The following L3MBTL4 variants were observed in gnomAD, a reference collection of about 807,000 sequenced individuals.
The protein encoded by L3MBTL4 is L3MBTL histone methyl-lysine binding protein 4.
Under a neutral mutation model 84.5 loss-of-function variants are expected in L3MBTL4, and 70 were observed. That is an observed-to-expected ratio of 0.83 (90% CI 0.68 to 1.01). The LOEUF is 1.01. Ranked by LOEUF, L3MBTL4 falls within the 50% of genes least tolerant of loss-of-function variation. The probability of loss-of-function intolerance (pLI) is 0.00; values close to 1 mark genes in which losing one functional copy is unlikely to be tolerated. For synonymous variants in L3MBTL4, 274 were observed against 259.8 expected (o/e 1.05, Z -0.52); for missense variants, 715 against 754.8 (o/e 0.95, Z 0.62).
chr18:6,360,614 A>G (rs1389926052), intron 1 of L3MBTL4, among the ~76,000 whole-genome samples: 1 of 152,194 alleles, frequency 6.6e-6, no homozygotes, highest in Non-Finnish European at 1.5e-5. Flanking sequence ...ATGGTGATCA[A>G]ATCATAATCC....
At chr18:5,991,757 A>G (rs1282006394) in intron 16 of L3MBTL4, among the ~76,000 whole-genome samples, 1 of 152,064 alleles carries the variant, frequency 6.6e-6, no homozygotes, top group African/African-American at 2.4e-5. Flanking sequence ...TGTTTGGGAG[A>G]TACTTCTGTT....
intron 5 of L3MBTL4, among the ~76,000 whole-genome samples, chr18:6,246,719 C>A (rs2047679308): frequency 6.6e-6 from 1 of 152,168 alleles, no homozygotes; most frequent in Admixed American, 6.5e-5. Context: ...GCCTGGCCAA[C>A]ATGGCGAAAC....
chr18:6,318,809 C>T (rs1033622394), intron 1 of L3MBTL4, among the ~76,000 whole-genome samples: 28 of 152,032 alleles, frequency 1.8e-4, no homozygotes, highest in African/African-American at 2.9e-4. Flanking sequence ...AACACTCTAC[C>T]GAAGAACTGC....
chr18:6,221,315 G>A (rs1164843004), intron 10 of L3MBTL4, among the ~76,000 whole-genome samples: 1 of 149,656 alleles, frequency 6.7e-6, no homozygotes, highest in Non-Finnish European at 1.5e-5. Flanking sequence ...ATGACAAGCA[G>A]GTTTTAAGTA....
At chr18:6,006,225 C>A (rs971548294) in intron 16 of L3MBTL4, among the ~76,000 whole-genome samples, 1 of 152,154 alleles carries the variant, frequency 6.6e-6, no homozygotes, top group Non-Finnish European at 1.5e-5. Context: ...ATGCCGAACA[C>A]TGAGTATGTA....
intron 12 of L3MBTL4, among the ~76,000 whole-genome samples, chr18:6,192,837 A>G (rs1440509900): frequency 6.6e-6 from 1 of 152,070 alleles, no homozygotes. Context: ...TTTGACAAGA[A>G]AGGGAGAGGA....
At chr18:6,107,079 C>G (rs933023459) in intron 14 of L3MBTL4, among the ~76,000 whole-genome samples, 4 of 152,010 alleles carry the variant, frequency 2.6e-5, no homozygotes, top group Admixed American at 1.3e-4. Flanking sequence ...AATATAAAAC[C>G]AGGCATTAGA....
At chr18:5,970,533 A>G (rs1262239254) in intron 16 of L3MBTL4, among the ~76,000 whole-genome samples, 1 of 152,252 alleles carries the variant, frequency 6.6e-6, no homozygotes, top group Non-Finnish European at 1.5e-5. Flanking sequence ...CAGAGATTTC[A>G]GAGAAAACCA....
At chr18:6,283,390 C>T (rs1406276596) in intron 4 of L3MBTL4, among the ~76,000 whole-genome samples, 1 of 152,078 alleles carries the variant, frequency 6.6e-6, no homozygotes, top group Non-Finnish European at 1.5e-5. Flanking sequence ...AAAAGAAAAA[C>T]CAAATGAGTT....
At chr18:6,379,860 T>C (rs528954378) in intron 1 of L3MBTL4, among the ~76,000 whole-genome samples, 1 of 152,356 alleles carries the variant, frequency 6.6e-6, no homozygotes, top group Admixed American at 6.5e-5. Context: ...TTCTCTCTTT[T>C]TCTATTGATT....
chr18:6,239,078 A>G (rs1299930706), intron 9 of L3MBTL4, among the ~76,000 whole-genome samples: 1 of 152,136 alleles, frequency 6.6e-6, no homozygotes, highest in Non-Finnish European at 1.5e-5. Context: ...GCGGTGGCTC[A>G]CGCCTGTAAT....
chr18:6,046,789 C>G (rs773869990), intron 16 of L3MBTL4: 1 of 763,330 alleles, frequency 1.3e-6, no homozygotes, highest in Non-Finnish European at 2.4e-6. Flanking sequence ...TAAACACTTA[C>G]CTCAAAAAGT....
chr18:6,349,054 C>T (rs2053054963), intron 1 of L3MBTL4, among the ~76,000 whole-genome samples: 1 of 152,196 alleles, frequency 6.6e-6, no homozygotes, highest in Non-Finnish European at 1.5e-5. Flanking sequence ...AAGTGCTAGA[C>T]AGAAGAAGCA....
At chr18:6,252,431 AAC>A (rs1323149906) in intron 5 of L3MBTL4, among the ~76,000 whole-genome samples, 1 of 152,246 alleles carries the variant, frequency 6.6e-6, no homozygotes, top group Non-Finnish European at 1.5e-5. Context: ...TATCAAAAAA[AAC>A]ACAGCTATTT....
At chr18:6,239,165 C>A (rs2047344800) in intron 9 of L3MBTL4, among the ~76,000 whole-genome samples, 1 of 151,680 alleles carries the variant, frequency 6.6e-6, no homozygotes, top group Non-Finnish European at 1.5e-5. Flanking sequence ...AACGGTGAAA[C>A]CCTGTCTCTA....
intron 1 of L3MBTL4, among the ~76,000 whole-genome samples, chr18:6,369,683 G>A (rs2054079029): frequency 6.6e-6 from 1 of 152,182 alleles, no homozygotes; most frequent in South Asian, 2.1e-4. Context: ...TGGTTGGAAA[G>A]GGGGATATGC....
At chr18:6,022,739 C>T (rs1020517356) in intron 16 of L3MBTL4, among the ~76,000 whole-genome samples, 3 of 152,156 alleles carry the variant, frequency 2.0e-5, no homozygotes, top group East Asian at 1.9e-4. Context: ...TAGGGTCACC[C>T]GGCCATAAGT....
intron 16 of L3MBTL4, chr18:6,031,892 C>T: frequency 2.1e-6 from 2 of 957,636 alleles, no homozygotes; most frequent in Non-Finnish European, 2.5e-6. Flanking sequence ...AGTGATGAAG[C>T]CTGGGCTTTT....
chr18:6,252,498 T>C (rs915763575), intron 5 of L3MBTL4, among the ~76,000 whole-genome samples: 4 of 152,298 alleles, frequency 2.6e-5, no homozygotes, highest in African/African-American at 7.2e-5. Flanking sequence ...TCTGGAAAGA[T>C]TTACATCAAA....
Sources: gnomAD v4.1 joint callset for allele counts (sites outside exome capture counted in the v4.1 genomes callset) on GRCh38, gnomAD v4.1.1 for gene constraint, MANE v1.5 for transcripts, NCBI Gene and HGNC (gene_info 2026-07-23, HGNC 2026-07-21) for gene names.